The following NAALADL2 variants were observed in gnomAD, a reference collection of about 807,000 sequenced individuals.
The protein encoded by NAALADL2 is inactive N-acetylated-alpha-linked acidic dipeptidase-like protein 2.
NAALADL2 carries 76 observed loss-of-function variants against 87.2 expected under a neutral mutation model. The ratio of observed to expected loss-of-function variants is 0.87; its 90% confidence interval spans 0.72 to 1.05. NAALADL2 has a LOEUF of 1.05. NAALADL2 is among the 50% of genes least tolerant of loss of function. NAALADL2 has a pLI of 0.00. For missense variants in NAALADL2, 1,089 were observed against 945.8 expected (o/e 1.15, Z -1.99); for synonymous variants, 354 against 331.0 (o/e 1.07, Z -0.75).
At position 174,973,542 on chromosome 3, in the gene NAALADL2, G is replaced by A. The variant is rs140825412; in HGVS notation, c.43+114092G>A. Among the ~76,000 whole-genome samples the A allele has an allele frequency of 5.0e-3, 755 of 152,098 alleles. 7 individuals are homozygous for A. Among genetic ancestry groups the A allele is most frequent in the African/African-American group, 0.017 (717 of 41,516 alleles). ...AAAGTTTATTTCATTGTATTTATAG[G>A]AACAAATGTTATTAAGTTAACACAA... On this transcript the variant is annotated intron_variant, in intron 1 of 13. Coordinates refer to ENST00000454872, the MANE Select transcript of NAALADL2 (RefSeq NM_207015.3).
chr3:174,805,855 A>G (rs1278574593), intron 3 of NAALADL2, among the ~76,000 whole-genome samples: 1 of 151,716 alleles, frequency 6.6e-6, no homozygotes, highest in Non-Finnish European at 1.5e-5. Flanking sequence ...TTTTATGTGT[A>G]AGTACATTTT....
chr3:175,116,374 A>C (rs969353081), intron 2 of NAALADL2, among the ~76,000 whole-genome samples: 9 of 152,120 alleles, frequency 5.9e-5, no homozygotes, highest in East Asian at 1.9e-4. Context: ...TGATAAGCAA[A>C]TTCAGCAAAG....
At chr3:175,328,064 A>G (rs1207258248) in intron 5 of NAALADL2, among the ~76,000 whole-genome samples, 2 of 152,178 alleles carry the variant, frequency 1.3e-5, no homozygotes, top group Non-Finnish European at 2.9e-5. Flanking sequence ...GATTTGAAGT[A>G]TTTGGGGGTA....
At chr3:175,462,886 G>A (rs529414284) in intron 6 of NAALADL2, among the ~76,000 whole-genome samples, 2 of 152,202 alleles carry the variant, frequency 1.3e-5, no homozygotes, top group African/African-American at 4.8e-5. Flanking sequence ...AACATGTACA[G>A]CTTTAAGAAT....
chr3:175,478,159 A>T (rs990909321), intron 9 of NAALADL2, among the ~76,000 whole-genome samples: 5 of 151,952 alleles, frequency 3.3e-5, no homozygotes, highest in Middle Eastern at 6.8e-3. Flanking sequence ...AATGAGAGAA[A>T]TTCTGTTTTC....
At chr3:175,690,876 C>G (rs1431788020) in intron 11 of NAALADL2, among the ~76,000 whole-genome samples, 3 of 151,956 alleles carry the variant, frequency 2.0e-5, no homozygotes, top group Non-Finnish European at 4.4e-5. Context: ...GTTCATTACA[C>G]AGTCCTCAAA....
chr3:175,274,477 T>C (rs1753295857), intron 4 of NAALADL2, among the ~76,000 whole-genome samples: 1 of 152,224 alleles, frequency 6.6e-6, no homozygotes, highest in African/African-American at 2.4e-5. Context: ...AGCTAAATAG[T>C]CAAATTTCAA....
chr3:175,096,317 TTTA>T (rs1245414582), intron 1 of NAALADL2, among the ~76,000 whole-genome samples: 3 of 152,102 alleles, frequency 2.0e-5, no homozygotes, highest in South Asian at 4.1e-4. Flanking sequence ...TTCCAGGGTT[TTTA>T]TTATTTTTTC....
chr3:175,746,726 A>G (rs2150112061), intron 12 of NAALADL2, among the ~76,000 whole-genome samples: 1 of 152,366 alleles, frequency 6.6e-6, no homozygotes, highest in East Asian at 1.9e-4. Context: ...AATGAGAAGT[A>G]TCTTACCTTG....
intron 7 of NAALADL2, among the ~76,000 whole-genome samples, chr3:175,465,863 T>C (rs1458871574): frequency 6.6e-6 from 1 of 152,244 alleles, no homozygotes; most frequent in Non-Finnish European, 1.5e-5. Flanking sequence ...TCTTGTAAGG[T>C]AGCTTTCTGG....
chr3:175,737,816 G>A (rs1744721993), intron 12 of NAALADL2, among the ~76,000 whole-genome samples: 1 of 142,676 alleles, frequency 7.0e-6, no homozygotes. Context: ...GTTTCTGTGT[G>A]GTATGGGCCC....
At chr3:174,840,058 A>G (rs934822571) in intron 3 of NAALADL2, among the ~76,000 whole-genome samples, 17 of 152,052 alleles carry the variant, frequency 1.1e-4, no homozygotes, top group African/African-American at 3.9e-4. Context: ...ACATGCATTT[A>G]TATAGCAGCA....
chr3:174,919,470 T>C (rs946792438), intron 1 of NAALADL2, among the ~76,000 whole-genome samples: 1 of 152,200 alleles, frequency 6.6e-6, no homozygotes, highest in Non-Finnish European at 1.5e-5. Context: ...TGCTCATCCA[T>C]AAATAACAAC....
chr3:175,650,057 C>CAAAAAAAAA (rs11458935), intron 11 of NAALADL2, among the ~76,000 whole-genome samples: 1 of 120,438 alleles, frequency 8.3e-6, no homozygotes, highest in African/African-American at 3.1e-5. Flanking sequence ...AACCCCACAC[C>CAAAAAAAAA]AAAAAAAAAA....
At chr3:174,756,953 A>AAAAAC (rs57152716) in intron 3 of NAALADL2, among the ~76,000 whole-genome samples, 10,162 of 149,834 alleles carry the variant, frequency 0.068, 439 homozygotes, top group African/African-American at 0.12. Context: ...TATAGACAAA[A>AAAAAC]AAAACAAAAC....
intron 1 of NAALADL2, among the ~76,000 whole-genome samples, chr3:174,871,051 T>C (rs1483508279): frequency 2.6e-5 from 4 of 152,184 alleles, no homozygotes; most frequent in African/African-American, 4.8e-5. Context: ...TGAAAGTAAA[T>C]GGGTTCTACT....
At chr3:175,600,789 G>T (rs1423614295) in intron 10 of NAALADL2, among the ~76,000 whole-genome samples, 1 of 151,746 alleles carries the variant, frequency 6.6e-6, no homozygotes. Flanking sequence ...CGCCCGCCTC[G>T]GCCTCCCAAA....
intron 1 of NAALADL2, chr3:175,059,907 G>T: frequency 2.5e-6 from 1 of 395,616 alleles, no homozygotes; most frequent in South Asian, 2.2e-5. Flanking sequence ...ATGGGCCAGA[G>T]ACTGCTTCAA....
intron 1 of NAALADL2, among the ~76,000 whole-genome samples, chr3:174,881,311 C>T (rs73043534): frequency 6.6e-6 from 1 of 152,004 alleles, no homozygotes; most frequent in Non-Finnish European, 1.5e-5. Flanking sequence ...ATAAGTTACT[C>T]AAAATCTTTG....
Sources: allele counts gnomAD v4.1 joint callset (sites outside exome capture counted in the v4.1 genomes callset), GRCh38; gene constraint gnomAD v4.1.1; transcripts MANE v1.5; gene names NCBI Gene and HGNC (gene_info 2026-07-23, HGNC 2026-07-21).